The following STPG2 variants were observed in gnomAD, a reference collection of about 807,000 sequenced individuals.
The protein encoded by STPG2 is sperm-tail PG-rich repeat-containing protein 2.
STPG2 carries 56 observed loss-of-function variants against 54.2 expected under a neutral mutation model. That is an observed-to-expected ratio of 1.03 (90% CI 0.83 to 1.29). STPG2 has a LOEUF of 1.29. STPG2 is among the 50% of genes most tolerant of loss of function. The probability of loss-of-function intolerance (pLI) is 0.00; values close to 1 mark genes in which losing one functional copy is unlikely to be tolerated. For synonymous variants in STPG2, 200 were observed against 181.8 expected (o/e 1.10, Z -0.81); for missense variants, 596 against 544.9 (o/e 1.09, Z -0.93).
At chr4:97,460,134 AC>A (rs948192395) in intron 4 of STPG2, among the ~76,000 whole-genome samples, 1 of 151,710 alleles carries the variant, frequency 6.6e-6, no homozygotes, top group East Asian at 1.9e-4. Context: ...TCTTCCATCA[AC>A]CCCCCACTAG....
At chr4:97,720,599 G>A (rs939105583) in intron 9 of STPG2, among the ~76,000 whole-genome samples, 2 of 151,954 alleles carry the variant, frequency 1.3e-5, no homozygotes, top group African/African-American at 4.8e-5. Flanking sequence ...CTGGGTCTAG[G>A]AGATGGAATA....
intron 8 of STPG2, among the ~76,000 whole-genome samples, chr4:97,913,668 A>G (rs1731766015): frequency 6.6e-6 from 1 of 152,184 alleles, no homozygotes; most frequent in African/African-American, 2.4e-5. Flanking sequence ...ATTATGGAAT[A>G]AAGAGTAAAA....
intron 10 of STPG2, among the ~76,000 whole-genome samples, chr4:97,694,330 A>G (rs1440483224): frequency 6.6e-6 from 1 of 152,126 alleles, no homozygotes. Flanking sequence ...GAAATGGGAG[A>G]TATTACAGCC....
In STPG2 at chr4:98,135,060, G is replaced by T. The variant is rs532394005; in HGVS notation, c.110-601C>A. ...AACTTGAACACTCTACTGAAAAACT[G>T]GTACTAAAAAATTCAAGATCTGTAT... On this transcript the variant is annotated intron_variant, in intron 1 of 10. Coordinates refer to ENST00000295268, the MANE Select transcript of STPG2 (RefSeq NM_174952.3). Among the ~76,000 whole-genome samples the T allele has an allele frequency of 1.7e-4, 26 of 151,792 alleles. 1 individual carries two copies. The East Asian group carries it at 4.4e-3, about 26-fold the overall frequency.
At chr4:97,689,166 C>T (rs548230381) in intron 10 of STPG2, among the ~76,000 whole-genome samples, 93 of 152,192 alleles carry the variant, frequency 6.1e-4, no homozygotes, top group African/African-American at 2.1e-3. Context: ...GAGAGCAAAG[C>T]ACTTAAGGTT....
intron 5 of STPG2, among the ~76,000 whole-genome samples, chr4:98,067,463 T>C (rs1401817984): frequency 1.3e-5 from 2 of 152,202 alleles, no homozygotes; most frequent in African/African-American, 4.8e-5. Flanking sequence ...TTGAACAGTA[T>C]TGCTGATTAT....
At chr4:97,885,609 G>A (rs556376260) in intron 8 of STPG2, among the ~76,000 whole-genome samples, 20 of 152,180 alleles carry the variant, frequency 1.3e-4, no homozygotes, top group South Asian at 4.2e-4. Context: ...AATAACATGC[G>A]TTTGAACTGC....
At chr4:97,631,249 A>T (rs1311223170) in intron 10 of STPG2, among the ~76,000 whole-genome samples, 3 of 152,052 alleles carry the variant, frequency 2.0e-5, no homozygotes, top group African/African-American at 7.2e-5. Context: ...TTCAATATTA[A>T]ATTCAGAAGA....
At chr4:97,660,295 C>A (rs945676077) in intron 10 of STPG2, among the ~76,000 whole-genome samples, 17 of 152,302 alleles carry the variant, frequency 1.1e-4, no homozygotes, top group African/African-American at 4.1e-4. Context: ...GCCACCGCGC[C>A]GGCCTGTAGA....
At chr4:97,629,232 T>C (rs1721170948) in intron 10 of STPG2, among the ~76,000 whole-genome samples, 1 of 151,984 alleles carries the variant, frequency 6.6e-6, no homozygotes, top group Non-Finnish European at 1.5e-5. Context: ...AAATAATTAT[T>C]TTAACATGCA....
intron 10 of STPG2, among the ~76,000 whole-genome samples, chr4:97,710,175 G>T (rs1724068651): frequency 6.6e-6 from 1 of 151,822 alleles, no homozygotes; most frequent in Non-Finnish European, 1.5e-5. Flanking sequence ...TCTTCAAAAA[G>T]GTCAATGATA....
At chr4:97,850,067 T>C (rs1246256306) in intron 8 of STPG2, among the ~76,000 whole-genome samples, 3 of 151,402 alleles carry the variant, frequency 2.0e-5, no homozygotes, top group Non-Finnish European at 2.9e-5. Flanking sequence ...GTGGCACATA[T>C]ACATCATGGA....
At chr4:97,893,994 T>C (rs1175125069) in intron 8 of STPG2, among the ~76,000 whole-genome samples, 1 of 152,028 alleles carries the variant, frequency 6.6e-6, no homozygotes, top group Non-Finnish European at 1.5e-5. Flanking sequence ...AATTAAAATA[T>C]GTTTTCTTCC....
chr4:97,669,991 G>A (rs2148968329), intron 10 of STPG2, among the ~76,000 whole-genome samples: 1 of 151,924 alleles, frequency 6.6e-6, no homozygotes, highest in South Asian at 2.1e-4. Flanking sequence ...TAATTGCTCT[G>A]AAAAGCACAT....
At chr4:97,860,956 C>T (rs751151287) in intron 8 of STPG2, among the ~76,000 whole-genome samples, 2 of 152,050 alleles carry the variant, frequency 1.3e-5, no homozygotes, top group Non-Finnish European at 2.9e-5. Flanking sequence ...TTGAGTAATA[C>T]CCTACAAGCA....
At chr4:97,617,588 A>T (rs1465915532) in intron 10 of STPG2, among the ~76,000 whole-genome samples, 1 of 152,194 alleles carries the variant, frequency 6.6e-6, no homozygotes, top group Non-Finnish European at 1.5e-5. Context: ...CAACTCCCAG[A>T]ACCAAAATAT....
intron 4 of STPG2, among the ~76,000 whole-genome samples, chr4:97,459,457 T>A (rs1729606877): frequency 6.7e-6 from 1 of 148,264 alleles, no homozygotes; most frequent in African/African-American, 2.5e-5. Flanking sequence ...TTTTTTTTTT[T>A]GAGACAGAGT....
chr4:98,028,209 G>A (rs551482872), intron 5 of STPG2, among the ~76,000 whole-genome samples: 18 of 152,280 alleles, frequency 1.2e-4, no homozygotes, highest in African/African-American at 4.3e-4. Context: ...GTGAATCTTC[G>A]AATTTGAGTG....
At chr4:97,692,570 T>A (rs1024888879) in intron 10 of STPG2, among the ~76,000 whole-genome samples, 1 of 152,078 alleles carries the variant, frequency 6.6e-6, no homozygotes, top group South Asian at 2.1e-4. Flanking sequence ...AACCTAACAA[T>A]AATTGGTATT....
Sources: gnomAD v4.1 joint callset for allele counts (sites outside exome capture counted in the v4.1 genomes callset) on GRCh38, gnomAD v4.1.1 for gene constraint, MANE v1.5 for transcripts, NCBI Gene and HGNC (gene_info 2026-07-23, HGNC 2026-07-21) for gene names.